Variants in MIER1 observed in about 807,000 individuals in gnomAD.
The protein encoded by MIER1 is MIER1 transcriptional regulator, also known as mesoderm induction early response protein 1.
MIER1 carries 40 observed loss-of-function variants against 75.7 expected under a neutral mutation model. The ratio of observed to expected loss-of-function variants is 0.53; its 90% CI spans 0.41 to 0.69. MIER1 has a LOEUF of 0.69. MIER1 is among the 30% of genes least tolerant of loss of function. MIER1 has a pLI of 0.00. For missense variants in MIER1, 574 were observed against 680.2 expected, an observed-to-expected ratio of 0.84 and a Z score of 1.74; for synonymous variants, 213 against 223.4, an observed-to-expected ratio of 0.95 and a Z score of 0.42.
In MIER1 at chr1:66,984,629, G is replaced by C; in HGVS notation, c.1427G>C (p.Gly476Ala). ...ILNKEEVKVE[G>A]LHINGPTGGN... Reference sequence around the variant, plus strand: ...AACAAAGAGGAAGTAAAAGTTGAAGGGTTACACATTAATGGACCAACAGGT... The same window carrying C: ...AACAAAGAGGAAGTAAAAGTTGAAGCGTTACACATTAATGGACCAACAGGT... Residue 476 changes from glycine (G) to alanine (A), a missense_variant, in exon 14 of 14, where the codon GGG becomes GCG. This residue lies in a region of MIER1 where 164 missense variants were observed against 154.3 expected (regional missense o/e 1.06). Transcript: ENST00000401041. 2 of 1,613,274 alleles carry C rather than the reference G, an allele frequency of 1.2e-6. No homozygotes were observed. The highest frequency in any genetic ancestry group is 1.7e-6 in the Non-Finnish European group (2 of 1,179,688).
At chr1:66,983,579 A>T (rs1004837454) in intron 13 of MIER1, among the ~76,000 whole-genome samples, 5 of 152,076 alleles carry the variant, frequency 3.3e-5, no homozygotes, top group African/African-American at 4.8e-5. Flanking sequence ...TTTCTCACCT[A>T]CTATAGAATT....
chr1:66,944,210 C>T (rs538241010), intron 3 of MIER1, among the ~76,000 whole-genome samples: 13 of 152,094 alleles, frequency 8.5e-5, no homozygotes, highest in Middle Eastern at 6.8e-3. Flanking sequence ...GAAGTCAGCT[C>T]TATCTCTTTG....
rs1666695985 is a variant in MIER1, at chr1:66,985,812, A to C, written c.*912A>C. ...GTTAAAGCATTCATAAAGGATTATA[A>C]AATTTTTTTTTTTTTTTTTTTTTTT... On this transcript the variant is annotated 3_prime_UTR_variant, in exon 14 of 14. Transcript: ENST00000401041. The C allele has an allele frequency of 2.6e-6, 2 of 771,028 alleles. No individual in the cohort carries two copies. Among genetic ancestry groups the C allele is most frequent in the African/African-American group, 2.4e-5 (1 of 40,912 alleles). 47.8% of individuals were successfully genotyped at this position (771,028 alleles called of 1,614,324 possible). A position where few individuals can be genotyped will look rare whatever the true frequency, so the allele number is the denominator to read the frequency against.
intron 8 of MIER1, among the ~76,000 whole-genome samples, chr1:66,965,933 C>G (rs973743797): frequency 1.3e-5 from 2 of 152,114 alleles, no homozygotes; most frequent in Non-Finnish European, 2.9e-5. Context: ...CCGTGCCTGA[C>G]TTTTTGCTTA....
At chr1:66,935,018 A>G (rs112421516) in intron 2 of MIER1, among the ~76,000 whole-genome samples, 2,806 of 152,312 alleles carry the variant, frequency 0.018, 44 homozygotes, top group Non-Finnish European at 0.031. Flanking sequence ...TTTTGAGGGG[A>G]AAAATTTGTT....
At chr1:66,945,350 AGTT>A (rs1657366374) in intron 3 of MIER1, among the ~76,000 whole-genome samples, 1 of 147,626 alleles carries the variant, frequency 6.8e-6, no homozygotes, top group Admixed American at 6.8e-5. Context: ...CTATGTAAAT[AGTT>A]ATACTGTGTT....
chr1:66,972,257 T>G (rs572998522), intron 10 of MIER1, among the ~76,000 whole-genome samples: 25 of 69,230 alleles, frequency 3.6e-4, no homozygotes, highest in South Asian at 8.9e-4. Context: ...TATATATATA[T>G]ATATAGATAT....
chr1:66,945,456 C>T (rs1324165061), intron 3 of MIER1, among the ~76,000 whole-genome samples: 3 of 151,976 alleles, frequency 2.0e-5, no homozygotes, highest in Admixed American at 2.0e-4. Context: ...TTTCAATCTG[C>T]TGTTGGTTGA....
chr1:66,945,973 C>T lies in MIER1; in HGVS notation c.194-177C>T, dbSNP rs142191987. ...TTATAAACACTTTTAAAGCTATAAA[C>T]ATTTTCCTTCCATTTTTCTGTTGTA... On this transcript the variant is annotated intron_variant, in intron 3 of 13. Transcript: ENST00000401041. 1.3e-3 allele frequency among the ~76,000 whole-genome samples: 200 copies of T among 152,306 alleles called. 5 individuals carry two copies. Among genetic ancestry groups the T allele is most frequent in the East Asian group, 0.01 (52 of 5,184 alleles).
chr1:66,943,747 A>G (rs1418995446), intron 3 of MIER1, among the ~76,000 whole-genome samples: 5 of 152,096 alleles, frequency 3.3e-5, no homozygotes, highest in African/African-American at 1.2e-4. Context: ...GGTGCTTCTG[A>G]AAGGGCACAA....
intron 8 of MIER1, 126 bp from the exon 9 acceptor site, chr1:66,970,682 G>C (rs969426408): frequency 1.7e-6 from 1 of 599,176 alleles, no homozygotes; most frequent in Non-Finnish European, 2.7e-6. Context: ...AGTCAGGCAA[G>C]TAGTAGAACC....
At chr1:66,930,436 C>G in intron 2 of MIER1, 1 of 1,601,476 alleles carries the variant, frequency 6.2e-7, no homozygotes, top group African/African-American at 1.4e-5. Context: ...GTCCCGGAGC[C>G]GGGCGCCCCC....
chr1:66,932,479 G>A (rs1481485853), intron 2 of MIER1, among the ~76,000 whole-genome samples: 2 of 152,144 alleles, frequency 1.3e-5, no homozygotes, highest in Admixed American at 6.5e-5. Context: ...TCTAAGACAG[G>A]TGAAGAAGTG....
chr1:66,957,647 C>T (rs1168406595), intron 4 of MIER1, among the ~76,000 whole-genome samples: 1 of 88,688 alleles, frequency 1.1e-5, no homozygotes, highest in Non-Finnish European at 2.1e-5. Flanking sequence ...GTCTGCCTTT[C>T]TGGGTTTGTT....
At chr1:66,959,156 T>C (rs938137679) in intron 6 of MIER1, among the ~76,000 whole-genome samples, 173 bp downstream of exon 6, 1 of 152,150 alleles carries the variant, frequency 6.6e-6, no homozygotes, top group Non-Finnish European at 1.5e-5. Flanking sequence ...CTGTTGTTAG[T>C]GAATATACTA....
intron 10 of MIER1, among the ~76,000 whole-genome samples, chr1:66,972,050 GATA>G (rs67019224): frequency 0.2 from 30,695 of 150,964 alleles, 3,562 homozygotes; most frequent in Non-Finnish European, 0.25. Context: ...TAGTATGACA[GATA>G]ATACCTTTAC....
At chr1:66,930,292 A>C in intron 2 of MIER1, 1 of 1,554,674 alleles carries the variant, frequency 6.4e-7, no homozygotes, top group South Asian at 1.2e-5. Flanking sequence ...AGCGGCAGAG[A>C]CGGCAGCGGC....
chr1:66,986,196 A>T lies in MIER1; in HGVS notation c.*1296A>T. On this transcript the variant is annotated 3_prime_UTR_variant, in exon 14 of 14. Coordinates refer to ENST00000401041, the MANE Select transcript of MIER1 (RefSeq NM_001077700.3). ...ACAATCCAATTTTTCAGATTTGATA[A>T]TGCTTTTCCAAAGTGAAAATAAGAT... The T allele has an allele frequency of 8.0e-7, 1 of 1,250,614 alleles. No homozygotes were observed. Among genetic ancestry groups the T allele is most frequent in the Non-Finnish European group, 1.0e-6 (1 of 998,470 alleles). The allele number at this position is 1,250,614 out of a possible 1,614,324, so 77.5% of individuals were successfully genotyped here.
chr1:66,948,099 C>A (rs1658095490), intron 4 of MIER1: 2 of 927,486 alleles, frequency 2.2e-6, no homozygotes, highest in Non-Finnish European at 2.6e-6. Flanking sequence ...GTCTGTACCT[C>A]CACTGGTTTT....
Sources: gnomAD v4.1 joint callset for allele counts (sites outside exome capture counted in the v4.1 genomes callset) on GRCh38, gnomAD v4.1.1 for gene constraint, gnomAD v4.1.1 regional missense constraint, MANE v1.5 for transcripts, NCBI Gene and HGNC (gene_info 2026-07-23, HGNC 2026-07-21) for gene names.